SPECC1L: variants seen among roughly 807,000 people sequenced by gnomAD.
The protein encoded by SPECC1L is cytospin-A.
SPECC1L carries 40 observed loss-of-function variants against 116.8 expected under a neutral mutation model. The observed-to-expected ratio is 0.34, with a 90% CI of 0.27 to 0.45. The LOEUF (loss-of-function observed/expected upper bound fraction) is 0.45, where lower values mean the gene tolerates loss of function less well. Among genes scored for constraint, SPECC1L ranks in the 20% least tolerant of loss-of-function variants. The pLI is 1.00. For missense variants in SPECC1L, 1,110 were observed against 1,373.6 expected, an observed-to-expected ratio of 0.81 and a Z score of 3.03; for synonymous variants, 504 against 500.6, an observed-to-expected ratio of 1.01 and a Z score of -0.09.
intron 14 of SPECC1L, among the ~76,000 whole-genome samples, chr22:24,399,763 G>A (rs1490674357): frequency 6.6e-6 from 1 of 152,128 alleles, no homozygotes; most frequent in Non-Finnish European, 1.5e-5. Flanking sequence ...CCTTTCTTGG[G>A]AATAGCCATT....
chr22:24,312,911 A>G (rs559605533), intron 3 of SPECC1L, among the ~76,000 whole-genome samples: 1 of 152,356 alleles, frequency 6.6e-6, no homozygotes, highest in Non-Finnish European at 1.5e-5. Flanking sequence ...TGGCCTCATC[A>G]TGGAATCACT....
chr22:24,371,702 T>C (rs1363281162), intron 14 of SPECC1L, among the ~76,000 whole-genome samples: 2 of 152,076 alleles, frequency 1.3e-5, no homozygotes, highest in Non-Finnish European at 2.9e-5. Context: ...CTCAAGGGGA[T>C]TGACATTGAT....
At chr22:24,338,821 A>G (rs919182166) in intron 10 of SPECC1L, among the ~76,000 whole-genome samples, 1 of 152,300 alleles carries the variant, frequency 6.6e-6, no homozygotes, top group East Asian at 1.9e-4. Context: ...ACATGTGGTT[A>G]CTGAGGCCCA....
chr22:24,386,357 A>G (rs2042160488), intron 14 of SPECC1L, among the ~76,000 whole-genome samples: 1 of 152,084 alleles, frequency 6.6e-6, no homozygotes, highest in Admixed American at 6.5e-5. Context: ...CCTGAGGCCA[A>G]GAGTTTGAGA....
chr22:24,322,776 C>G lies in SPECC1L; in HGVS notation c.1796C>G (p.Ser599Cys), dbSNP rs1025336472. Residue 599 changes from serine (S) to cysteine (C), a missense_variant, in exon 5 of 17, where the codon TCT (serine) becomes TGT (cysteine). Physicochemically the swap from Ser to Cys is moderately radical, Grantham distance 112. Around this residue, in one of 4 missense-constraint regions of SPECC1L, gnomAD observed 575 missense variants for 682.4 expected, o/e 0.84. Coordinates refer to ENST00000314328, the MANE Select transcript of SPECC1L (RefSeq NM_015330.6). ...KVAELYSIHNSGDKSDIQDLL... is the reference protein window; with the variant it reads ...KVAELYSIHNCGDKSDIQDLL... ...GCAGAGCTGTATTCTATCCATAACTCTGGAGACAAATCTGATATTCAGGAC... is the reference window on the plus strand; with the variant it reads ...GCAGAGCTGTATTCTATCCATAACTGTGGAGACAAATCTGATATTCAGGAC... The G allele has an allele frequency of 6.3e-7, 1 of 1,584,864 alleles. No individual in the cohort carries two copies. Among genetic ancestry groups the G allele is most frequent in the Non-Finnish European group, 8.6e-7 (1 of 1,167,556 alleles).
chr22:24,280,237 C>T (rs537333347), intron 2 of SPECC1L, among the ~76,000 whole-genome samples: 10 of 152,070 alleles, frequency 6.6e-5, no homozygotes, highest in African/African-American at 9.7e-5. Flanking sequence ...TACATAATGA[C>T]GAATGGTGTT....
intron 14 of SPECC1L, among the ~76,000 whole-genome samples, chr22:24,390,838 T>A (rs2042247965): frequency 6.7e-6 from 1 of 150,124 alleles, no homozygotes. Flanking sequence ...AGGGCTCTTC[T>A]TGGGCCTGTG....
chr22:24,360,014 T>C (rs1050166034), intron 11 of SPECC1L, among the ~76,000 whole-genome samples: 3 of 152,198 alleles, frequency 2.0e-5, no homozygotes, highest in Non-Finnish European at 4.4e-5. Context: ...TCTGCTTTCT[T>C]TTTTTCTCTG....
chr22:24,409,830 G>C (rs756176305), intron 14 of SPECC1L, among the ~76,000 whole-genome samples: 1 of 152,118 alleles, frequency 6.6e-6, no homozygotes, highest in Non-Finnish European at 1.5e-5. Context: ...TTTCAGACCA[G>C]CCTGGGCGAC....
intron 2 of SPECC1L, among the ~76,000 whole-genome samples, chr22:24,294,984 T>A (rs1388157559): frequency 6.6e-6 from 1 of 152,192 alleles, no homozygotes; most frequent in Non-Finnish European, 1.5e-5. Context: ...GTCTACCTTA[T>A]ATGGTAGGTA....
At chr22:24,305,444 T>A (rs1336010104) in intron 3 of SPECC1L, among the ~76,000 whole-genome samples, 1 of 152,218 alleles carries the variant, frequency 6.6e-6, no homozygotes, top group African/African-American at 2.4e-5. Flanking sequence ...ATGTTCTTTT[T>A]ATGTGTGTCT....
chr22:24,391,526 CAG>C (rs150774769), intron 14 of SPECC1L, among the ~76,000 whole-genome samples: 6,359 of 152,220 alleles, frequency 0.042, 436 homozygotes, highest in African/African-American at 0.14. Context: ...TCCTCCCAAA[CAG>C]GGGAAGGAGT....
intron 2 of SPECC1L, among the ~76,000 whole-genome samples, chr22:24,284,392 C>A (rs1321622975): frequency 6.6e-6 from 1 of 151,848 alleles, no homozygotes; most frequent in Non-Finnish European, 1.5e-5. Flanking sequence ...CAGAGATATT[C>A]CATTATTTTG....
At chr22:24,367,723 A>AGCGC (rs2041798411) in intron 13 of SPECC1L, among the ~76,000 whole-genome samples, 2 of 152,208 alleles carry the variant, frequency 1.3e-5, no homozygotes, top group Non-Finnish European at 2.9e-5. Context: ...CTTCTGTTGT[A>AGCGC]AATGTGTCCT....
At chr22:24,349,327 C>G (rs2041372229) in intron 11 of SPECC1L, among the ~76,000 whole-genome samples, 1 of 152,218 alleles carries the variant, frequency 6.6e-6, no homozygotes, top group South Asian at 2.1e-4. Context: ...CAGGCATGAG[C>G]CACCGCACCC....
chr22:24,302,423 A>G, intron 3 of SPECC1L, 39 bp downstream of exon 3: 2 of 1,610,816 alleles, frequency 1.2e-6, no homozygotes, highest in Non-Finnish European at 1.7e-6. Flanking sequence ...GGGTTTTTGG[A>G]GGACTGAATT....
At chr22:24,400,201 A>G (rs2042446473) in intron 14 of SPECC1L, among the ~76,000 whole-genome samples, 1 of 152,252 alleles carries the variant, frequency 6.6e-6, no homozygotes, top group Admixed American at 6.5e-5. Context: ...GATCACCCCA[A>G]GTGGAAACCA....
At chr22:24,369,935 G>A (rs1162590168) in intron 14 of SPECC1L, among the ~76,000 whole-genome samples, 1 of 152,190 alleles carries the variant, frequency 6.6e-6, no homozygotes. Flanking sequence ...TTGATTTCTA[G>A]TGTCCTCACA....
intron 4 of SPECC1L, among the ~76,000 whole-genome samples, chr22:24,317,161 G>C (rs1315876544): frequency 1.1e-5 from 1 of 95,072 alleles, no homozygotes; most frequent in African/African-American, 4.1e-5. Context: ...CCTCCCGGAC[G>C]GGGCGGCTGG....
Sources: allele counts gnomAD v4.1 joint callset (sites outside exome capture counted in the v4.1 genomes callset), GRCh38; gene constraint gnomAD v4.1.1; regional missense constraint gnomAD v4.1.1; transcripts MANE v1.5; gene names NCBI Gene and HGNC (gene_info 2026-07-23, HGNC 2026-07-21).